LAT2: variants seen among roughly 807,000 people sequenced by gnomAD.
The protein encoded by LAT2 is linker for activation of T-cells family member 2.
LAT2 carries 23 observed loss-of-function variants against 43.4 expected under a neutral mutation model. The ratio of observed to expected loss-of-function variants is 0.53; its 90% CI spans 0.38 to 0.75. The LOEUF is 0.75. Among genes scored for constraint, LAT2 ranks in the 30% least tolerant of loss-of-function variants. The pLI, the probability that LAT2 is intolerant of heterozygous loss-of-function variation, is 0.00. For missense variants in LAT2, 284 were observed against 310.2 expected (o/e 0.92, Z 0.64); for synonymous variants, 128 against 123.2 (o/e 1.04, Z -0.26).
intron 1 of LAT2, among the ~76,000 whole-genome samples, chr7:74,214,171 T>C (rs1388462700): frequency 9.5e-6 from 1 of 105,624 alleles, no homozygotes; most frequent in Non-Finnish European, 1.7e-5. Flanking sequence ...TGAAAATATA[T>C]ATATGAAAAT....
At position 74,224,078 on chromosome 7, in the gene LAT2, T is replaced by TGAAGACTGGCCCC. The variant is rs781922809; in HGVS notation, c.510_522dup (p.Thr175GlufsTer18). 6.2e-7 allele frequency: 1 copy of TGAAGACTGGCCCC among 1,614,142 alleles called. No homozygotes were observed. The highest frequency in any genetic ancestry group is 8.5e-7 in the Non-Finnish European group (1 of 1,179,990). On this transcript the variant is annotated frameshift_variant, in exon 12 of 14. Coordinates refer to ENST00000460943, the MANE Select transcript of LAT2 (RefSeq NM_032464.3). LOFTEE classifies it high-confidence loss of function. ...GGGGACCTCAGCCTGTCACTGGCCCTGAAGACTGGCCCCACTTCTGGTCTC... is the reference window on the plus strand; with the variant it reads ...GGGGACCTCAGCCTGTCACTGGCCCTGAAGACTGGCCCCGAAGACTGGCCCCACTTCTGGTCTC...
intron 13 of LAT2, 101 bp downstream of exon 13, chr7:74,224,861 G>A: frequency 1.2e-6 from 1 of 853,674 alleles, no homozygotes; most frequent in Non-Finnish European, 1.8e-6. Flanking sequence ...GTGGGTGGAG[G>A]GGCCATGGTG....
Position 74,224,235 on chromosome 7 carries a change from G to A in LAT2, c.628+38G>A, listed in dbSNP as rs782232151. On this transcript the variant is annotated intron_variant, in intron 12 of 13. Coordinates refer to ENST00000460943, the MANE Select transcript of LAT2 (RefSeq NM_032464.3). ...GAGAAGAGGCAGGGTGGTCCACTTA[G>A]GGCAGGCTTGAGGGACTGGCCTGGA... 3.3e-5 allele frequency: 53 copies of A among 1,600,588 alleles called. 1 individual carries two copies. In the Admixed American group the frequency reaches 4.2e-4, roughly 13 times the overall value.
At chr7:74,218,227 G>A (rs6955940) in intron 4 of LAT2, among the ~76,000 whole-genome samples, 41,744 of 152,058 alleles carry the variant, frequency 0.27, 5,892 homozygotes, top group Non-Finnish European at 0.3. Flanking sequence ...TGCATGAAGC[G>A]ACTGCTGTGA....
intron 9 of LAT2, 86 bp from the exon 10 acceptor site, chr7:74,221,551 C>A: frequency 9.8e-7 from 1 of 1,023,046 alleles, no homozygotes; most frequent in Non-Finnish European, 1.5e-6. Flanking sequence ...GTGGGAGCAG[C>A]CCTGGCCTCA....
chr7:74,213,036 C>T (rs1801783128), intron 1 of LAT2, among the ~76,000 whole-genome samples: 1 of 152,182 alleles, frequency 6.6e-6, no homozygotes. Flanking sequence ...ACACAGCTTT[C>T]AAGGGGGACA....
chr7:74,213,709 C>T (rs770361641), intron 1 of LAT2, among the ~76,000 whole-genome samples: 3 of 152,152 alleles, frequency 2.0e-5, no homozygotes, highest in Non-Finnish European at 4.4e-5. Flanking sequence ...AGGCGTGAGC[C>T]ACCACGCCCT....
At chr7:74,216,380 T>TC (rs1270069057) in intron 3 of LAT2, among the ~76,000 whole-genome samples, 1 of 152,042 alleles carries the variant, frequency 6.6e-6, no homozygotes, top group African/African-American at 2.4e-5. Flanking sequence ...TACCCTTTTT[T>TC]CTTTTTTTTG....
At chr7:74,223,655 A>G in intron 10 of LAT2, 69 bp from the exon 11 acceptor site, 1 of 1,433,500 alleles carries the variant, frequency 7.0e-7, no homozygotes, top group Non-Finnish European at 9.8e-7. Context: ...GGCAGGACAG[A>G]GCGGGAGGAT....
At position 74,223,739 on chromosome 7, in the gene LAT2, C is replaced by A; in HGVS notation, c.404C>A (p.Ser135Tyr). ...TCTCCTGCAGATGATGATGCCAATTCCTACGAGAATGTGCTCATTTGCAAG... is the reference window on the plus strand; with the variant it reads ...TCTCCTGCAGATGATGATGCCAATTACTACGAGAATGTGCTCATTTGCAAG... ...SKPPEDDDAN[S>Y]YENVLICKQK... The change falls in exon 11 of 14, where the codon TCC (serine) becomes TAC (tyrosine). Residue 135 changes from serine (S) to tyrosine (Y), a missense_variant. Coordinates refer to ENST00000460943, the MANE Select transcript of LAT2 (RefSeq NM_032464.3). 18 of 1,613,962 alleles carry A rather than the reference C, an allele frequency of 1.1e-5. No individual in the cohort carries two copies. Among genetic ancestry groups the A allele is most frequent in the Non-Finnish European group, 1.4e-5 (16 of 1,179,950 alleles).
intron 4 of LAT2, 93 bp from the exon 5 acceptor site, chr7:74,219,651 C>T: frequency 1.3e-6 from 2 of 1,491,792 alleles, no homozygotes; most frequent in Admixed American, 1.7e-5. Context: ...CTCTGCTTTC[C>T]CTCCTCATCC....
Position 74,224,625 on chromosome 7 carries a change from C to T in LAT2, c.629-14C>T. The T allele has an allele frequency of 6.3e-7, 1 of 1,578,814 alleles. No homozygotes were observed. Among genetic ancestry groups the T allele is most frequent in the Non-Finnish European group, 8.6e-7 (1 of 1,161,654 alleles). On this transcript the variant is annotated splice_polypyrimidine_tract_variant and intron_variant, in intron 12 of 13. Transcript: ENST00000460943. ...GTGAACCACTCGATGACCTGTCTGC[C>T]CGCTGGTCCACAGGGCAACTCCAGA...
At chr7:74,225,596 T>C (rs782121278) in intron 13 of LAT2, 3 of 152,380 alleles carry the variant, frequency 2.0e-5, no homozygotes, top group African/African-American at 4.8e-5. Flanking sequence ...CACAGAGCAG[T>C]TAAGCCACCT....
chr7:74,223,837 G>T, intron 11 of LAT2, 54 bp downstream of exon 11: 5 of 1,577,482 alleles, frequency 3.2e-6, no homozygotes, highest in East Asian at 2.2e-5. Context: ...GGCCTCCTTG[G>T]CCAGGTGCCC....
intron 1 of LAT2, among the ~76,000 whole-genome samples, chr7:74,213,981 C>G (rs1440385316): frequency 6.8e-6 from 1 of 147,618 alleles, no homozygotes; most frequent in Non-Finnish European, 1.5e-5. Flanking sequence ...CGGAGTCTCA[C>G]TCTGTTGCCC....
chr7:74,224,406 C>T (rs1802407850), intron 12 of LAT2, among the ~76,000 whole-genome samples: 3 of 152,218 alleles, frequency 2.0e-5, no homozygotes, highest in Non-Finnish European at 4.4e-5. Flanking sequence ...CAGGTCCTCC[C>T]GGGCAGGCCG....
intron 10 of LAT2, among the ~76,000 whole-genome samples, 192 bp from the exon 11 acceptor site, chr7:74,223,532 C>T (rs1477906288): frequency 6.6e-6 from 1 of 152,070 alleles, no homozygotes; most frequent in Admixed American, 6.6e-5. Context: ...CAGGGAAGAG[C>T]ATGCAGGGGC....
chr7:74,224,012 C>G lies in LAT2; in HGVS notation c.449-6C>G. The G allele has an allele frequency of 6.2e-7, 1 of 1,613,222 alleles. No homozygotes were observed. The highest frequency in any genetic ancestry group is 8.5e-7 in the Non-Finnish European group (1 of 1,179,684). On this transcript the variant is annotated splice_polypyrimidine_tract_variant and splice_region_variant and intron_variant, in intron 11 of 13. Coordinates refer to ENST00000460943, the MANE Select transcript of LAT2 (RefSeq NM_032464.3). ...GCCAAGGGGGGCCTATTCTCCCTCT[C>G]TGCAGGTGCCCAGCAGGAGGGCATA...
chr7:74,223,885 A>C, intron 11 of LAT2, 102 bp downstream of exon 11: 2 of 1,487,980 alleles, frequency 1.3e-6, no homozygotes, highest in East Asian at 2.3e-5. Context: ...CCCCACTTTG[A>C]AGCCTGAAGG....
Sources: allele counts gnomAD v4.1 joint callset (sites outside exome capture counted in the v4.1 genomes callset), GRCh38; gene constraint gnomAD v4.1.1; transcripts MANE v1.5; gene names NCBI Gene and HGNC (gene_info 2026-07-23, HGNC 2026-07-21).